TRPV5: variants seen among roughly 807,000 people sequenced by gnomAD.
The protein encoded by TRPV5 is calcium transport protein 2.
TRPV5 carries 66 observed loss-of-function variants against 74.1 expected under a neutral mutation model. That is an observed-to-expected ratio of 0.89 (90% CI 0.73 to 1.09). The LOEUF (loss-of-function observed/expected upper bound fraction) is 1.09. Ranked by LOEUF, TRPV5 falls within the 50% of genes least tolerant of loss-of-function variation. The probability of loss-of-function intolerance (pLI) is 0.00; values close to 1 mark genes in which losing one functional copy is unlikely to be tolerated. For missense variants in TRPV5, 936 were observed against 930.4 expected (o/e 1.01, Z -0.08); for synonymous variants, 399 against 360.7 (o/e 1.11, Z -1.20).
At chr7:142,917,038 T>C (rs1425144249) in intron 8 of TRPV5, among the ~76,000 whole-genome samples, 4 of 151,962 alleles carry the variant, frequency 2.6e-5, no homozygotes, top group Non-Finnish European at 4.4e-5. Flanking sequence ...AGAGTTTTTG[T>C]TTTGTTTTGT....
Position 142,933,596 on chromosome 7 carries a change from C to G in TRPV5, c.-137G>C. ...TTATCTCCTGTATGACTTGTGTATG[C>G]AGCATGCAGCTTGTAGGTGTGTGTG... On this transcript the variant is annotated 5_prime_UTR_variant, in exon 1 of 15. Transcript: ENST00000265310. 8.4e-7 allele frequency: 1 copy of G among 1,194,046 alleles called. No homozygotes were observed. Among genetic ancestry groups the G allele is most frequent in the Non-Finnish European group, 1.2e-6 (1 of 846,950 alleles). The allele number at this position is 1,194,046 out of a possible 1,614,324, so 74.0% of individuals were successfully genotyped here. A position where few individuals can be genotyped will look rare whatever the true frequency, so the allele number is the denominator to read the frequency against.
chr7:142,909,632 AAG>A, intron 13 of TRPV5, 36 bp from the exon 14 acceptor site: 1 of 1,604,542 alleles, frequency 6.2e-7, no homozygotes, highest in Non-Finnish European at 8.5e-7. Context: ...AGAACTCTGA[AAG>A]AGCCATGAGG....
At chr7:142,923,861 C>T (rs1262435410) in intron 8 of TRPV5, among the ~76,000 whole-genome samples, 1 of 152,132 alleles carries the variant, frequency 6.6e-6, no homozygotes, top group Admixed American at 6.6e-5. Context: ...CAGCATTGCC[C>T]ACCTTTTAAC....
At position 142,915,301 on chromosome 7, in the gene TRPV5, A is replaced by G; in HGVS notation, c.1286+6T>C. ...AGGCAGGGGGCTGGAATGAGGGGAT[A>G]CTCACATGATGACATGGAATGGCCC... On this transcript the variant is annotated splice_donor_region_variant and intron_variant, in intron 10 of 14. Transcript: ENST00000265310. 6.2e-7 allele frequency: 1 copy of G among 1,610,122 alleles called. No individual in the cohort carries two copies. Among genetic ancestry groups the G allele is most frequent in the South Asian group, 1.1e-5 (1 of 90,586 alleles).
At chr7:142,928,480 G>A (rs1796026379) in intron 6 of TRPV5, among the ~76,000 whole-genome samples, 1 of 152,160 alleles carries the variant, frequency 6.6e-6, no homozygotes, top group Admixed American at 6.5e-5. Context: ...CATGCATTAA[G>A]GTAAGGTTCT....
intron 7 of TRPV5, 48 bp from the exon 8 acceptor site, chr7:142,925,789 G>A (rs892608562): frequency 1.3e-6 from 2 of 1,547,490 alleles, no homozygotes; most frequent in Non-Finnish European, 1.8e-6. Context: ...ACAGAAGGAT[G>A]TTGTTTATCC....
chr7:142,909,454 A>G (rs1248078252), intron 14 of TRPV5, 36 bp downstream of exon 14: 1 of 1,608,820 alleles, frequency 6.2e-7, no homozygotes, highest in Admixed American at 1.7e-5. Context: ...GGCCTTATAC[A>G]CATCTGCAGT....
rs1795912048 is a variant in TRPV5, at chr7:142,923,135, G to A, written c.1122+2394C>T. Among the ~76,000 whole-genome samples, 3 of 152,320 alleles carry A rather than the reference G, an allele frequency of 2.0e-5. No homozygotes were observed. The South Asian group carries it at 6.2e-4, about 32-fold the overall frequency. On this transcript the variant is annotated intron_variant, in intron 8 of 14. Coordinates refer to ENST00000265310, the MANE Select transcript of TRPV5 (RefSeq NM_019841.7). ...AGAGATCTGCAGAGGAAGTCCTGAAGTGACTGAGATCCCTGTGATCCCAGA... is the reference window on the plus strand; with the variant it reads ...AGAGATCTGCAGAGGAAGTCCTGAAATGACTGAGATCCCTGTGATCCCAGA...
chr7:142,915,593 T>C (rs1357978422), intron 8 of TRPV5, 25 bp from the exon 9 acceptor site: 3 of 1,604,050 alleles, frequency 1.9e-6, no homozygotes, highest in Non-Finnish European at 2.6e-6. Flanking sequence ...TCAGAAGAAG[T>C]GCTTTCTGAT....
At chr7:142,933,049 T>C (rs1796122230) in intron 1 of TRPV5, among the ~76,000 whole-genome samples, 1 of 152,218 alleles carries the variant, frequency 6.6e-6, no homozygotes, top group Non-Finnish European at 1.5e-5. Flanking sequence ...TTCTTCCCTC[T>C]GGTCCTTTTT....
intron 4 of TRPV5, 57 bp downstream of exon 4, chr7:142,929,371 C>T: frequency 6.3e-7 from 1 of 1,592,592 alleles, no homozygotes; most frequent in South Asian, 1.1e-5. Flanking sequence ...CCCTGGCCTC[C>T]CTCTGCCTTG....
In TRPV5 at chr7:142,914,634, C is replaced by T. The variant is rs753659561; in HGVS notation, c.1519+6G>A. 5.6e-6 allele frequency: 9 copies of T among 1,612,382 alleles called. No homozygotes were observed. Among genetic ancestry groups the T allele is most frequent in the Non-Finnish European group, 6.8e-6 (8 of 1,179,156 alleles). On this transcript the variant is annotated splice_donor_region_variant and intron_variant, in intron 12 of 14. Coordinates refer to ENST00000265310, the MANE Select transcript of TRPV5 (RefSeq NM_019841.7). The stretch of plus-strand genomic sequence containing the variant: ...TGATCTAGTAGAGGAGTGTATGGTG[C>T]CTTACCGGAGGCAAATCCCAAGATG...
intron 13 of TRPV5, among the ~76,000 whole-genome samples, chr7:142,912,262 G>A (rs767390488): frequency 2.0e-5 from 3 of 152,150 alleles, no homozygotes; most frequent in Non-Finnish European, 4.4e-5. Flanking sequence ...TTTCCCCTGT[G>A]AGCAACAACC....
Position 142,923,312 on chromosome 7 carries a change from G to GA in TRPV5, c.1122+2216dup, listed in dbSNP as rs113676864. On this transcript the variant is annotated intron_variant, in intron 8 of 14. Transcript: ENST00000265310. The stretch of plus-strand genomic sequence containing the variant: ...AGACTTTCAAGTAAGAAAACAGTAG[G>GA]AAAAAAAAGGAATTTCCTATTATTT... 3.3e-3 allele frequency among the ~76,000 whole-genome samples: 498 copies of GA among 151,650 alleles called. 4 individuals carry two copies. Among genetic ancestry groups the GA allele is most frequent in the African/African-American group, 8.0e-3 (330 of 41,384 alleles).
intron 13 of TRPV5, among the ~76,000 whole-genome samples, chr7:142,911,932 A>C (rs1795708744): frequency 6.6e-6 from 1 of 152,232 alleles, no homozygotes; most frequent in South Asian, 2.1e-4. Flanking sequence ...ATCTTTAAAA[A>C]TATGGGAAAA....
chr7:142,917,886 T>C (rs377551865), intron 8 of TRPV5, among the ~76,000 whole-genome samples: 543 of 152,338 alleles, frequency 3.6e-3, no homozygotes, highest in Non-Finnish European at 6.1e-3. Context: ...CTAATCTCTC[T>C]GGAAAACAAA....
At chr7:142,925,197 G>A in intron 8 of TRPV5, 1 of 521,624 alleles carries the variant, frequency 1.9e-6, no homozygotes, top group East Asian at 3.0e-5. Context: ...TCCTCCTTTT[G>A]AGCAATAGAG....
At position 142,909,493 on chromosome 7, in the gene TRPV5, A is replaced by T. The variant is rs531647999; in HGVS notation, c.1892T>A (p.Leu631Gln). 196 of 1,613,876 alleles carry T rather than the reference A, an allele frequency of 1.2e-4. 3 individuals are homozygous for T. In the South Asian group the frequency reaches 2.0e-3, roughly 16 times the overall value. The part of the protein sequence containing the change: ...CEFGLGDRWF[L>Q]RVENHNDQNP... ...GCATGTGCACACCATCACTCACCGC[A>T]GGAACCAGCGGTCCCCCAGCCCGAA... is the stretch of plus-strand genomic sequence containing the variant. The change falls in exon 14 of 15, where the codon CTG becomes CAG. Residue 631 changes from leucine (L) to glutamine (Q), a missense_variant. By Grantham distance (113) the Leu-to-Gln change is moderately radical. Transcript: ENST00000265310.
chr7:142,917,083 GT>G (rs370492757), intron 8 of TRPV5, among the ~76,000 whole-genome samples: 3 of 149,170 alleles, frequency 2.0e-5, no homozygotes, highest in African/African-American at 7.4e-5. Flanking sequence ...TTTTTTGTGC[GT>G]TTTTTTTGTT....
Sources: allele counts gnomAD v4.1 joint callset (sites outside exome capture counted in the v4.1 genomes callset), GRCh38; gene constraint gnomAD v4.1.1; transcripts MANE v1.5; gene names NCBI Gene and HGNC (gene_info 2026-07-23, HGNC 2026-07-21).